ZCCHC4: variants seen among roughly 807,000 people sequenced by gnomAD.
ZCCHC4 encodes rRNA N(6)-adenosine-methyltransferase ZCCHC4.
ZCCHC4 carries 54 observed loss-of-function variants against 67.7 expected under a neutral mutation model. The observed-to-expected ratio is 0.80, with a 90% CI of 0.64 to 1.00. The LOEUF (loss-of-function observed/expected upper bound fraction) is 1.00. Among genes scored for constraint, ZCCHC4 ranks in the 50% least tolerant of loss-of-function variants. ZCCHC4 has a pLI of 0.00. For synonymous variants in ZCCHC4, 198 were observed against 213.5 expected (o/e 0.93, Z 0.63); for missense variants, 609 against 617.0 (o/e 0.99, Z 0.14).
intron 10 of ZCCHC4, among the ~76,000 whole-genome samples, chr4:25,363,951 G>A (rs142494712): frequency 2.0e-5 from 3 of 152,240 alleles, no homozygotes; most frequent in African/African-American, 4.8e-5. Flanking sequence ...GGTTTTATCC[G>A]TGTTTGCTTT....
chr4:25,368,584 T>G (rs2109098263), intron 12 of ZCCHC4, among the ~76,000 whole-genome samples: 1 of 152,346 alleles, frequency 6.6e-6, no homozygotes, highest in South Asian at 2.1e-4. Context: ...TCAAGGCTTC[T>G]CGGTTTTTTC....
chr4:25,338,520 G>C (rs1298158612), intron 5 of ZCCHC4, among the ~76,000 whole-genome samples: 1 of 152,182 alleles, frequency 6.6e-6, no homozygotes, highest in East Asian at 1.9e-4. Flanking sequence ...TTCAGAAGAA[G>C]CACTCTCCCT....
chr4:25,344,212 C>A (rs1017028595), intron 5 of ZCCHC4, among the ~76,000 whole-genome samples: 9 of 151,896 alleles, frequency 5.9e-5, no homozygotes, highest in Non-Finnish European at 1.2e-4. Context: ...AATGTTAATA[C>A]CCAAAGGTGG....
At chr4:25,356,457 A>G (rs1277744249) in intron 8 of ZCCHC4, among the ~76,000 whole-genome samples, 1 of 152,208 alleles carries the variant, frequency 6.6e-6, no homozygotes, top group African/African-American at 2.4e-5. Context: ...GCATTTAAAA[A>G]TAATAATAAT....
At chr4:25,346,128 C>T (rs1223635575) in intron 6 of ZCCHC4, among the ~76,000 whole-genome samples, 2 of 152,082 alleles carry the variant, frequency 1.3e-5, no homozygotes, top group African/African-American at 2.4e-5. Context: ...TGTAGACTTA[C>T]CACACTGTAA....
intron 2 of ZCCHC4, among the ~76,000 whole-genome samples, chr4:25,314,827 T>C (rs1213549608): frequency 6.6e-6 from 1 of 152,198 alleles, no homozygotes; most frequent in Non-Finnish European, 1.5e-5. Context: ...TCATGATCAT[T>C]CCAGAAAGTG....
chr4:25,361,946 A>G lies in ZCCHC4; in HGVS notation c.1099A>G (p.Asn367Asp), dbSNP rs2109092446. Residue 367 changes from asparagine (N) to aspartate (D), a missense_variant, in exon 9 of 13, where the codon AAC becomes GAC. Transcript: ENST00000302874. ...GCGTATTTTCACCAACATTCCGCCCAACAAAATAATCCTTCCTACTGAAGA... is the reference window on the plus strand; with the variant it reads ...GCGTATTTTCACCAACATTCCGCCCGACAAAATAATCCTTCCTACTGAAGA... ...PVRIFTNIPP[N>D]KIILPTEEGY... 1 of 1,614,076 alleles carries G rather than the reference A, an allele frequency of 6.2e-7. No individual in the cohort carries two copies.
At chr4:25,366,729 A>G (rs1720967442) in intron 12 of ZCCHC4, among the ~76,000 whole-genome samples, 1 of 152,240 alleles carries the variant, frequency 6.6e-6, no homozygotes, top group African/African-American at 2.4e-5. Flanking sequence ...TCTGTGTGGT[A>G]GTCAGTAACG....
intron 5 of ZCCHC4, 77 bp downstream of exon 5, chr4:25,334,065 T>A: frequency 1.0e-6 from 1 of 969,322 alleles, no homozygotes; most frequent in Non-Finnish European, 1.5e-6. Flanking sequence ...TAATTGTTTA[T>A]ACTCTGTTAC....
At chr4:25,355,560 C>T (rs1056796091) in intron 8 of ZCCHC4, among the ~76,000 whole-genome samples, 1 of 152,148 alleles carries the variant, frequency 6.6e-6, no homozygotes, top group Non-Finnish European at 1.5e-5. Context: ...ATATGGGACA[C>T]TTGTTTGGGG....
At chr4:25,354,650 C>T (rs1334903153) in intron 8 of ZCCHC4, among the ~76,000 whole-genome samples, 1 of 151,994 alleles carries the variant, frequency 6.6e-6, no homozygotes, top group African/African-American at 2.4e-5. Flanking sequence ...TCTTTTGTTA[C>T]TTTAACTTCA....
rs191089843 is a variant in ZCCHC4, at chr4:25,319,166, G to A, written c.329+3766G>A. ...TGGGAGGCCTAGGCGGGTGGATCAC[G>A]AGGTCAGGAGATCGAGACCATCCTG... On this transcript the variant is annotated intron_variant, in intron 3 of 12. Coordinates refer to ENST00000302874, the MANE Select transcript of ZCCHC4 (RefSeq NM_024936.3). 1.5e-4 allele frequency among the ~76,000 whole-genome samples: 23 copies of A among 152,248 alleles called. 1 individual carries two copies. The East Asian group carries it at 4.3e-3, about 28-fold the overall frequency.
chr4:25,326,009 G>T (rs779907822), intron 3 of ZCCHC4, among the ~76,000 whole-genome samples: 2 of 152,154 alleles, frequency 1.3e-5, no homozygotes, highest in African/African-American at 2.4e-5. Context: ...TAGTTTTCCT[G>T]TTGCTGCTGG....
chr4:25,358,322 C>T (rs776740017), intron 8 of ZCCHC4, among the ~76,000 whole-genome samples: 2 of 152,118 alleles, frequency 1.3e-5, no homozygotes, highest in South Asian at 2.1e-4. Flanking sequence ...ACTTTAAGTA[C>T]CGGTACCCTG....
At chr4:25,340,383 G>C (rs900941308) in intron 5 of ZCCHC4, among the ~76,000 whole-genome samples, 1 of 152,148 alleles carries the variant, frequency 6.6e-6, no homozygotes, top group Non-Finnish European at 1.5e-5. Flanking sequence ...CTCTTACACA[G>C]TCATGATTAC....
chr4:25,369,213 G>A lies in ZCCHC4; in HGVS notation c.*49G>A, dbSNP rs1721056613. ...AAAGATTTATGGTCCAACCTTTGAT[G>A]CCATTTTCTGAAAGTGCCACACTGG... On this transcript the variant is annotated 3_prime_UTR_variant, in exon 13 of 13. Coordinates refer to ENST00000302874, the MANE Select transcript of ZCCHC4 (RefSeq NM_024936.3). The A allele has an allele frequency of 6.3e-7, 1 of 1,599,062 alleles. No homozygotes were observed. The highest frequency in any genetic ancestry group is 8.5e-7 in the Non-Finnish European group (1 of 1,176,264).
At chr4:25,330,223 T>A (rs923747561) in intron 3 of ZCCHC4, among the ~76,000 whole-genome samples, 3 of 152,178 alleles carry the variant, frequency 2.0e-5, no homozygotes, top group African/African-American at 7.2e-5. Context: ...ACTCCTGACC[T>A]CAGGTGATCC....
chr4:25,335,309 A>T (rs1719401187), intron 5 of ZCCHC4, among the ~76,000 whole-genome samples: 1 of 152,120 alleles, frequency 6.6e-6, no homozygotes, highest in East Asian at 1.9e-4. Flanking sequence ...TTAGCTGGAC[A>T]TGGTGGCTCA....
chr4:25,351,729 G>A, intron 8 of ZCCHC4, 40 bp downstream of exon 8: 4 of 1,496,106 alleles, frequency 2.7e-6, no homozygotes, highest in Non-Finnish European at 3.7e-6. Context: ...GTTGGGGAAT[G>A]GAGATTCTAC....
Sources: allele counts gnomAD v4.1 joint callset (sites outside exome capture counted in the v4.1 genomes callset), GRCh38; gene constraint gnomAD v4.1.1; transcripts MANE v1.5; gene names NCBI Gene and HGNC (gene_info 2026-07-23, HGNC 2026-07-21).